CD7: variants seen among roughly 807,000 people sequenced by gnomAD.
The protein encoded by CD7 is T-cell antigen CD7.
In CD7, 19 loss-of-function variants were observed where a neutral mutation model predicts 17.6. That is an observed-to-expected ratio of 1.08 (90% CI 0.75 to 1.58). The LOEUF (loss-of-function observed/expected upper bound fraction) is 1.58, where lower values mean the gene tolerates loss of function less well. Ranked by LOEUF, CD7 falls within the 40% of genes most tolerant of loss-of-function variation. The pLI is 0.00. For synonymous variants in CD7, 160 were observed against 159.8 expected (o/e 1.00, Z -0.01); for missense variants, 291 against 327.1 (o/e 0.89, Z 0.85).
chr17:82,315,976 C>A, intron 3 of CD7: 1 of 657,328 alleles, frequency 1.5e-6, no homozygotes, highest in Non-Finnish European at 2.7e-6. Context: ...CACGCGCACA[C>A]GCGGGCCCAG....
At chr17:82,317,241 C>A (rs2052026044) in intron 1 of CD7, 173 bp downstream of exon 1, 1 of 718,966 alleles carries the variant, frequency 1.4e-6, no homozygotes, top group Non-Finnish European at 2.3e-6. Flanking sequence ...CGGCCACTCC[C>A]CACCGGGGTC....
rs759019358 is a variant in CD7, at chr17:82,316,538, G to A, written c.397+129C>T. 57 of 1,275,486 alleles carry A rather than the reference G, an allele frequency of 4.5e-5. No homozygotes were observed. In the South Asian group the frequency reaches 7.0e-4, roughly 16 times the overall value. The allele number at this position is 1,275,486 out of a possible 1,614,324, so 79.0% of individuals were successfully genotyped here. ...GCAGCTATCTAGGAGGCTGCTGGGG[G>A]CAGTGGGCTGGGAGCTGGAACAGTT... On this transcript the variant is annotated intron_variant, in intron 2 of 3. Coordinates refer to ENST00000312648, the MANE Select transcript of CD7 (RefSeq NM_006137.7).
Position 82,316,294 on chromosome 17 carries a change from AG to A in CD7, c.512del (p.Pro171LeufsTer15). 1 of 1,567,092 alleles carries A rather than the reference AG, an allele frequency of 6.4e-7. No individual in the cohort carries two copies. The highest frequency in any genetic ancestry group is 1.9e-5 in the Admixed American group (1 of 53,522). ...GGAGGGCAGAGGCTGCTGGCGGGTC[AG>A]GGAGGGCAGAGGCTGTCTGCGGGTC... ...LPDPQTASALPDPPAASALPA... is the reference protein window; with the variant it reads ...LPDPQTASALXDPPAASALPA... On this transcript the variant is annotated frameshift_variant, in exon 3 of 4. Coordinates refer to ENST00000312648, the MANE Select transcript of CD7 (RefSeq NM_006137.7). LOFTEE classifies it high-confidence loss of function.
intron 2 of CD7, 64 bp downstream of exon 2, chr17:82,316,603 G>T: frequency 6.6e-7 from 1 of 1,526,162 alleles, no homozygotes; most frequent in Non-Finnish European, 9.0e-7. Context: ...ACAAGGGCTG[G>T]GGGAGCAGAG....
intron 3 of CD7, 122 bp downstream of exon 3, chr17:82,316,071 CCA>C: frequency 1.9e-6 from 2 of 1,059,650 alleles, no homozygotes; most frequent in Admixed American, 2.0e-5. Flanking sequence ...CCTGAGAGTT[CCA>C]GAGCCTGCAG....
chr17:82,314,918 G>A lies in CD7; in HGVS notation c.*403C>T. 4.8e-6 allele frequency: 1 copy of A among 208,776 alleles called. No individual in the cohort carries two copies. 12.9% of individuals were successfully genotyped at this position (208,776 alleles called of 1,614,324 possible). On this transcript the variant is annotated 3_prime_UTR_variant, in exon 4 of 4. Coordinates refer to ENST00000312648, the MANE Select transcript of CD7 (RefSeq NM_006137.7). The surrounding 1 kb of genome is among the most constrained non-coding windows in gnomAD (Gnocchi z 6.0). ...TTCTGGTACGGCTGGGTGGGGGACTGGTCTCCTCCCGTCCTCTGCCGGGCT... is the reference window on the plus strand; with the variant it reads ...TTCTGGTACGGCTGGGTGGGGGACTAGTCTCCTCCCGTCCTCTGCCGGGCT...
chr17:82,317,322 G>A (rs1474321090), intron 1 of CD7, 92 bp downstream of exon 1: 2 of 1,254,972 alleles, frequency 1.6e-6, no homozygotes, highest in African/African-American at 1.5e-5. Context: ...CGCTTCCTGG[G>A]GGCTGTGCTG....
intron 3 of CD7, 100 bp from the exon 4 acceptor site, chr17:82,315,531 G>T (rs4530194): frequency 4.5e-6 from 4 of 884,118 alleles, no homozygotes; most frequent in South Asian, 1.5e-5. Context: ...AGACCCCCAC[G>T]GGGCTCCTCT....
At chr17:82,316,088 G>A (rs1245366583) in intron 3 of CD7, 107 bp downstream of exon 3, 11 of 1,177,686 alleles carry the variant, frequency 9.3e-6, no homozygotes, top group East Asian at 2.5e-5. Flanking sequence ...CTGCAGAGGA[G>A]GCGGCGGGTA....
Position 82,315,392 on chromosome 17 carries a change from C to T in CD7, c.652G>A (p.Ala218Thr), listed in dbSNP as rs376711262. 7 of 1,613,412 alleles carry T rather than the reference C, an allele frequency of 4.3e-6. No individual in the cohort carries two copies. In the African/African-American group the frequency reaches 9.4e-5, roughly 22 times the overall value. ...LCSWRDKNSA[A>T]CVVYEDMSHS... ...GACATGTCCTCGTACACCACACATG[C>T]CGCCGAATTCTTATCCCGCCACGAG... is the stretch of plus-strand genomic sequence containing the variant. Residue 218 changes from alanine (A) to threonine (T), a missense_variant, in exon 4 of 4, where the codon GCA becomes ACA. Coordinates refer to ENST00000312648, the MANE Select transcript of CD7 (RefSeq NM_006137.7).
At chr17:82,316,492 A>T in intron 2 of CD7, 83 bp from the exon 3 acceptor site, 3 of 1,336,354 alleles carry the variant, frequency 2.2e-6, no homozygotes, top group Non-Finnish European at 1.0e-6. Context: ...GGGCAGGGAA[A>T]GGCTGTGGAG....
In CD7 at chr17:82,316,329, C is replaced by A. The variant is rs777737921; in HGVS notation, c.478G>T (p.Ala160Ser). The A allele has an allele frequency of 1.3e-5, 21 of 1,580,058 alleles. No individual in the cohort carries two copies. In the African/African-American group the frequency reaches 2.6e-4, roughly 19 times the overall value. ...GAGGCTGTCTGCGGGTCAGGGAGGG[C>A]GGAGCCTGTCGGTGGGGCAGGGAGG... ...SALPAPPTGSALPDPQTASAL... is the reference protein window; with the variant it reads ...SALPAPPTGSSLPDPQTASAL... The change falls in exon 3 of 4, where the codon GCC becomes TCC. Residue 160 changes from alanine (A) to serine (S), a missense_variant. Transcript: ENST00000312648.
Position 82,315,328 on chromosome 17 carries a change from T to C in CD7, c.716A>G (p.Tyr239Cys). The change falls in exon 4 of 4, where the codon TAC (tyrosine) becomes TGC (cysteine). Residue 239 changes from tyrosine to cysteine, a missense_variant. Tyr to Cys is a radical substitution (Grantham distance 194). Coordinates refer to ENST00000312648, the MANE Select transcript of CD7 (RefSeq NM_006137.7). Reference protein sequence around the residue: ...RCNTLSSPNQYQ With the variant: ...RCNTLSSPNQCQ The stretch of plus-strand genomic sequence containing the variant: ...GTGCAGGGGCCCACTGGGTCACTGG[T>C]ACTGGTTGGGGGAGGACAGCGTGTT... 4 of 1,597,778 alleles carry C rather than the reference T, an allele frequency of 2.5e-6. No homozygotes were observed. Among genetic ancestry groups the C allele is most frequent in the Non-Finnish European group, 3.4e-6 (4 of 1,166,766 alleles).
In CD7 at chr17:82,316,281, C is replaced by A; in HGVS notation, c.526G>T (p.Ala176Ser). 6.8e-7 allele frequency: 1 copy of A among 1,466,154 alleles called. No individual in the cohort carries two copies. Among genetic ancestry groups the A allele is most frequent in the South Asian group, 1.2e-5 (1 of 84,836 alleles). 90.8% of individuals were successfully genotyped at this position (1,466,154 alleles called of 1,614,324 possible). The change falls in exon 3 of 4, where the codon GCC becomes TCC. Residue 176 changes from alanine to serine, a missense_variant. Coordinates refer to ENST00000312648, the MANE Select transcript of CD7 (RefSeq NM_006137.7). Reference sequence around the variant, plus strand: ...GCCAGGGCCGCAGGGAGGGCAGAGGCTGCTGGCGGGTCAGGGAGGGCAGAG... The same window carrying A: ...GCCAGGGCCGCAGGGAGGGCAGAGGATGCTGGCGGGTCAGGGAGGGCAGAG... The part of the protein sequence containing the change: ...TASALPDPPA[A>S]SALPAALAVI...
In CD7 at chr17:82,316,378, CG is replaced by C; in HGVS notation, c.428del (p.Ser143TrpfsTer43). On this transcript the variant is annotated frameshift_variant, in exon 3 of 4. Coordinates refer to ENST00000312648, the MANE Select transcript of CD7 (RefSeq NM_006137.7). LOFTEE classifies it high-confidence loss of function. ...EEQSQGWHRC[S>X]DAPPRASALP... Reference sequence around the variant, plus strand: ...GGGCAGAGGCCCTTGGTGGGGCGTCCGAGCATCTGTGCCATCCTTGGGACTG... The same window carrying C: ...GGGCAGAGGCCCTTGGTGGGGCGTCCAGCATCTGTGCCATCCTTGGGACTG... 6.3e-7 allele frequency: 1 copy of C among 1,591,980 alleles called. No homozygotes were observed. The highest frequency in any genetic ancestry group is 8.5e-7 in the Non-Finnish European group (1 of 1,169,832).
chr17:82,315,490 C>T, intron 3 of CD7, 59 bp from the exon 4 acceptor site: 1 of 1,308,660 alleles, frequency 7.6e-7, no homozygotes, highest in South Asian at 1.2e-5. Context: ...GGACCCCACC[C>T]CACTCCGGTC....
chr17:82,315,889 C>T (rs374341034), intron 3 of CD7: 6 of 600,198 alleles, frequency 1.0e-5, no homozygotes, highest in Admixed American at 3.0e-5. Flanking sequence ...GGCGCTCCCT[C>T]CTCTGCCCGC....
In CD7 at chr17:82,316,823, C is replaced by T; in HGVS notation, c.241G>A (p.Asp81Asn). The stretch of plus-strand genomic sequence containing the variant: ...TCGATGCGGCCCCGGAACCGTCTGT[C>T]CGTAGTGGGCACCACCCCGTCCTCG... Reference protein sequence around the residue: ...YYEDGVVPTTDRRFRGRIDFS... With the variant: ...YYEDGVVPTTNRRFRGRIDFS... Residue 81 changes from aspartate (D) to asparagine (N), a missense_variant, in exon 2 of 4, where the codon GAC becomes AAC. Physicochemically the swap from Asp to Asn is conservative, Grantham distance 23. Coordinates refer to ENST00000312648, the MANE Select transcript of CD7 (RefSeq NM_006137.7). The T allele has an allele frequency of 1.2e-6, 2 of 1,613,986 alleles. No homozygotes were observed. Among genetic ancestry groups the T allele is most frequent in the Middle Eastern group, 3.3e-4 (2 of 6,062 alleles).
chr17:82,316,999 TGTCACCATCA>T lies in CD7; in HGVS notation c.83-28_83-19del, dbSNP rs1423568292. On this transcript the variant is annotated intron_variant, in intron 1 of 3. Transcript: ENST00000312648. ...CTGCACCTCTGGGGAGGACCTGGGC[TGTCACCATCA>T]GTCTGGCCAGAAGGACAGAGAATGT... 6.4e-7 allele frequency: 1 copy of T among 1,562,556 alleles called. No individual in the cohort carries two copies. The highest frequency in any genetic ancestry group is 8.6e-7 in the Non-Finnish European group (1 of 1,157,520).
Sources: allele counts gnomAD v4.1 joint callset, GRCh38; gene constraint gnomAD v4.1.1; non-coding constraint Gnocchi (gnomAD v3.1); transcripts MANE v1.5; gene names NCBI Gene and HGNC (gene_info 2026-07-23, HGNC 2026-07-21).